MYT1L: variants seen among roughly 807,000 people sequenced by gnomAD.
The protein encoded by MYT1L is myelin transcription factor 1 like, also known as myelin transcription factor 1-like protein.
MYT1L carries 12 observed loss-of-function variants against 126.7 expected under a neutral mutation model. The observed-to-expected ratio is 0.09, with a 90% CI of 0.06 to 0.15. The LOEUF is 0.15. Among genes scored for constraint, MYT1L ranks in the 10% least tolerant of loss-of-function variants. MYT1L has a pLI of 1.00. For synonymous variants in MYT1L, 541 were observed against 604.2 expected (o/e 0.90, Z 1.53); for missense variants, 979 against 1,585.2 (o/e 0.62, Z 6.49).
At chr2:2,083,447 A>G (rs1254928188) in intron 3 of MYT1L, among the ~76,000 whole-genome samples, 4 of 152,222 alleles carry the variant, frequency 2.6e-5, no homozygotes, top group African/African-American at 9.7e-5. Context: ...TGGGACCAAC[A>G]CAGGCCTGCA....
chr2:1,792,174 G>T, intron 24 of MYT1L, 147 bp downstream of exon 24: 1 of 1,245,680 alleles, frequency 8.0e-7, no homozygotes, highest in Non-Finnish European at 1.1e-6. Context: ...CATGTTTCTA[G>T]CAGTTAATGG....
intron 2 of MYT1L, among the ~76,000 whole-genome samples, chr2:2,254,117 G>C (rs887852547): frequency 1.2e-4 from 19 of 152,312 alleles, no homozygotes; most frequent in African/African-American, 4.3e-4. Context: ...TGTGCATTGT[G>C]TGTATCCCAA....
intron 2 of MYT1L, among the ~76,000 whole-genome samples, chr2:2,180,163 T>C (rs188452082): frequency 6.6e-6 from 1 of 152,204 alleles, no homozygotes; most frequent in Admixed American, 6.5e-5. Context: ...AGAGAATCCA[T>C]TAAATGAATG....
At chr2:2,315,398 G>A (rs1332388553) in intron 1 of MYT1L, among the ~76,000 whole-genome samples, 1 of 152,020 alleles carries the variant, frequency 6.6e-6, no homozygotes, top group Admixed American at 6.6e-5. Context: ...TTTGTATTGG[G>A]GGTTTGGTTT....
intron 2 of MYT1L, among the ~76,000 whole-genome samples, chr2:2,218,273 A>G (rs545111270): frequency 6.6e-6 from 1 of 152,206 alleles, no homozygotes; most frequent in African/African-American, 2.4e-5. Flanking sequence ...TTAAAATTTC[A>G]TAGCAACTTA....
chr2:1,976,697 A>G (rs1033316519), intron 8 of MYT1L, among the ~76,000 whole-genome samples: 47 of 152,222 alleles, frequency 3.1e-4, no homozygotes, highest in Non-Finnish European at 5.9e-5. Flanking sequence ...TAAAACAGCA[A>G]TAGTCATAGA....
intron 4 of MYT1L, among the ~76,000 whole-genome samples, chr2:2,039,292 A>G (rs2067245506): frequency 6.6e-6 from 1 of 151,874 alleles, no homozygotes; most frequent in South Asian, 2.1e-4. Context: ...AGTCTCAGCT[A>G]CTCAGGAGGC....
chr2:1,871,363 G>A (rs557326355), intron 18 of MYT1L, among the ~76,000 whole-genome samples: 2 of 152,210 alleles, frequency 1.3e-5, no homozygotes, highest in African/African-American at 2.4e-5. Context: ...GGAGAATTCC[G>A]GGAGGGCCCC....
At chr2:2,066,910 G>A (rs139926240) in intron 3 of MYT1L, among the ~76,000 whole-genome samples, 1 of 152,312 alleles carries the variant, frequency 6.6e-6, no homozygotes, top group Non-Finnish European at 1.5e-5. Flanking sequence ...GGTGTGTGAT[G>A]CCTCTAGAGG....
intron 1 of MYT1L, among the ~76,000 whole-genome samples, chr2:2,286,940 G>C (rs963432123): frequency 1.3e-5 from 2 of 152,212 alleles, no homozygotes; most frequent in African/African-American, 4.8e-5. Flanking sequence ...TCACCTGAGA[G>C]AGGGAGACAC....
chr2:2,142,810 C>T (rs944802455), intron 3 of MYT1L, among the ~76,000 whole-genome samples: 1 of 151,816 alleles, frequency 6.6e-6, no homozygotes, highest in Non-Finnish European at 1.5e-5. Context: ...CCTCAGACTC[C>T]CAAGTAGCTG....
chr2:1,893,512 G>T (rs1190727616), intron 14 of MYT1L, among the ~76,000 whole-genome samples: 2 of 152,142 alleles, frequency 1.3e-5, no homozygotes, highest in East Asian at 3.9e-4. Flanking sequence ...GGTTCTCCTG[G>T]TGCTTAGGGC....
chr2:2,219,397 C>T (rs1332310983), intron 2 of MYT1L, among the ~76,000 whole-genome samples: 2 of 152,162 alleles, frequency 1.3e-5, no homozygotes, highest in Non-Finnish European at 2.9e-5. Flanking sequence ...AAAGACTTTC[C>T]TCCCCATCTA....
chr2:1,834,591 C>T (rs2040583650), intron 21 of MYT1L, among the ~76,000 whole-genome samples: 1 of 152,192 alleles, frequency 6.6e-6, no homozygotes, highest in Non-Finnish European at 1.5e-5. Flanking sequence ...AAGCAAACCC[C>T]ATGGGATTCT....
At chr2:1,850,226 T>A (rs1223478242) in intron 19 of MYT1L, among the ~76,000 whole-genome samples, 1 of 114,806 alleles carries the variant, frequency 8.7e-6, no homozygotes, top group Non-Finnish European at 1.8e-5. Flanking sequence ...CTTCCTTCCT[T>A]CCTTCCTTCC....
chr2:1,991,803 CCA>C (rs1329865409), intron 5 of MYT1L, among the ~76,000 whole-genome samples: 2 of 152,268 alleles, frequency 1.3e-5, no homozygotes, highest in East Asian at 3.9e-4. Flanking sequence ...TCCCCCAAAT[CCA>C]CAGTCTTGTC....
intron 9 of MYT1L, among the ~76,000 whole-genome samples, chr2:1,930,438 T>C (rs1213581315): frequency 1.3e-5 from 2 of 152,224 alleles, no homozygotes; most frequent in African/African-American, 4.8e-5. Flanking sequence ...GATCTCCTTT[T>C]TTCTTTCTCT....
intron 18 of MYT1L, among the ~76,000 whole-genome samples, chr2:1,873,427 C>A (rs554532861): frequency 6.6e-6 from 1 of 152,148 alleles, no homozygotes; most frequent in South Asian, 2.1e-4. Context: ...GAGATGCCAG[C>A]GCCTCCGAGG....
At chr2:2,181,023 T>A (rs1270909978) in intron 2 of MYT1L, among the ~76,000 whole-genome samples, 1 of 151,110 alleles carries the variant, frequency 6.6e-6, no homozygotes, top group Non-Finnish European at 1.5e-5. Context: ...TGCACCTGTA[T>A]CTGTACCTGC....
Sources: allele counts gnomAD v4.1 joint callset (sites outside exome capture counted in the v4.1 genomes callset), GRCh38; gene constraint gnomAD v4.1.1; transcripts MANE v1.5; gene names NCBI Gene and HGNC (gene_info 2026-07-23, HGNC 2026-07-21).